The following PDE8B variants were observed in gnomAD, a reference collection of about 807,000 sequenced individuals.
PDE8B encodes phosphodiesterase 8B.
Under a neutral mutation model 101.3 loss-of-function variants are expected in PDE8B, and 26 were observed. That is an observed-to-expected ratio of 0.26 (90% confidence interval 0.19 to 0.36). PDE8B has a LOEUF of 0.36. Among genes scored for constraint, PDE8B ranks in the 10% least tolerant of loss-of-function variants. The probability of loss-of-function intolerance (pLI) is 1.00; values close to 1 mark genes in which losing one functional copy is unlikely to be tolerated. For missense variants in PDE8B, 810 were observed against 1,163.1 expected, an observed-to-expected ratio of 0.70 and a Z score of 4.42; for synonymous variants, 424 against 429.3, an observed-to-expected ratio of 0.99 and a Z score of 0.15.
At chr5:77,412,022 T>C (rs1794667191) in intron 15 of PDE8B, 78 bp from the exon 16 acceptor site, 1 of 1,445,246 alleles carries the variant, frequency 6.9e-7, no homozygotes, top group Non-Finnish European at 9.7e-7. Context: ...TAGTAGTAAC[T>C]ATGAAGATGA....
At chr5:77,248,774 G>A (rs1251058644) in intron 1 of PDE8B, among the ~76,000 whole-genome samples, 1 of 152,172 alleles carries the variant, frequency 6.6e-6, no homozygotes, top group Non-Finnish European at 1.5e-5. Context: ...CCATGTGACT[G>A]TATTTTGGAG....
the PDE8B span, among the ~76,000 whole-genome samples, chr5:77,175,871 G>A: frequency 2.0e-5 from 3 of 152,052 alleles, no homozygotes; most frequent in Admixed American, 6.5e-5. Context: ...ATATAGATAC[G>A]CACATACATA....
chr5:77,233,735 C>T (rs1224425993), intron 1 of PDE8B, among the ~76,000 whole-genome samples: 1 of 146,324 alleles, frequency 6.8e-6, no homozygotes, highest in African/African-American at 2.5e-5. Context: ...TAAATATGCT[C>T]TTCAGTTTTA....
At chr5:77,299,578 C>T (rs1769439149) in intron 1 of PDE8B, among the ~76,000 whole-genome samples, 1 of 151,856 alleles carries the variant, frequency 6.6e-6, no homozygotes, top group African/African-American at 2.4e-5. Context: ...CAGTTTCATC[C>T]ATGTCCCTAC....
the PDE8B span, among the ~76,000 whole-genome samples, chr5:77,127,514 C>A: frequency 6.6e-6 from 1 of 152,034 alleles, no homozygotes; most frequent in Admixed American, 6.5e-5. Flanking sequence ...TTAGGTATTT[C>A]TTTATAGCAG....
chr5:77,181,518 C>T, the PDE8B span, among the ~76,000 whole-genome samples: 4 of 152,194 alleles, frequency 2.6e-5, no homozygotes, highest in Non-Finnish European at 2.9e-5. Context: ...TCCACAGGCT[C>T]CTCTATACCC....
At position 77,304,690 on chromosome 5, in the gene PDE8B, G is replaced by A. The variant is rs1237036147; in HGVS notation, c.340-7304G>A. 3.3e-5 allele frequency among the ~76,000 whole-genome samples: 5 copies of A among 152,276 alleles called. No homozygotes were observed. In the East Asian group the frequency reaches 7.7e-4, roughly 24 times the overall value. On this transcript the variant is annotated intron_variant, in intron 1 of 21. Transcript: ENST00000264917. ...ATAAAACATAAAAGTAATGAAATAT[G>A]TCACTGGCTGTGAGTATCTTGTAAC... is the stretch of plus-strand genomic sequence containing the variant.
the PDE8B span, among the ~76,000 whole-genome samples, chr5:77,100,615 G>A: frequency 1.7e-4 from 26 of 152,206 alleles, no homozygotes; most frequent in Non-Finnish European, 2.8e-4. Flanking sequence ...CCCTTGTACA[G>A]AGAGCCTTGT....
chr5:77,422,096 C>A, intron 20 of PDE8B, 108 bp downstream of exon 20: 1 of 1,182,136 alleles, frequency 8.5e-7, no homozygotes, highest in Non-Finnish European at 1.2e-6. Context: ...AATTAGTTAA[C>A]CACTCCTCCC....
chr5:77,368,707 C>G (rs1320346454), intron 10 of PDE8B, among the ~76,000 whole-genome samples: 1 of 152,066 alleles, frequency 6.6e-6, no homozygotes, highest in Non-Finnish European at 1.5e-5. Flanking sequence ...ATTAGATTAC[C>G]TGAAATTATT....
chr5:77,389,014 G>A (rs746800802), intron 10 of PDE8B, among the ~76,000 whole-genome samples: 3 of 152,198 alleles, frequency 2.0e-5, no homozygotes, highest in Non-Finnish European at 4.4e-5. Flanking sequence ...GGGCTCTGTG[G>A]AGGTGGGACC....
chr5:77,117,076 C>T, the PDE8B span, among the ~76,000 whole-genome samples: 2 of 152,216 alleles, frequency 1.3e-5, no homozygotes, highest in Non-Finnish European at 2.9e-5. Flanking sequence ...CTCTTTAGTT[C>T]TTCCACGATT....
At chr5:77,347,120 T>C (rs939393053) in intron 7 of PDE8B, among the ~76,000 whole-genome samples, 2 of 152,204 alleles carry the variant, frequency 1.3e-5, no homozygotes, top group Non-Finnish European at 2.9e-5. Flanking sequence ...CCCCCATCTA[T>C]CTAAACTCTA....
At chr5:77,249,723 A>T (rs1346059159) in intron 1 of PDE8B, among the ~76,000 whole-genome samples, 1 of 152,258 alleles carries the variant, frequency 6.6e-6, no homozygotes, top group Non-Finnish European at 1.5e-5. Context: ...CTGCCTTATC[A>T]GCTGTCAAGG....
chr5:77,137,006 C>G, the PDE8B span, among the ~76,000 whole-genome samples: 1 of 152,154 alleles, frequency 6.6e-6, no homozygotes, highest in Non-Finnish European at 1.5e-5. Context: ...TTTGAGAGTT[C>G]GTACAGGACA....
At chr5:77,131,754 G>T in the PDE8B span, among the ~76,000 whole-genome samples, 1 of 152,226 alleles carries the variant, frequency 6.6e-6, no homozygotes, top group East Asian at 1.9e-4. Flanking sequence ...GATGCATTAG[G>T]AGTTGAAGTG....
chr5:77,351,333 A>G (rs1283086645), intron 9 of PDE8B, among the ~76,000 whole-genome samples, 180 bp downstream of exon 9: 1 of 152,182 alleles, frequency 6.6e-6, no homozygotes, highest in Non-Finnish European at 1.5e-5. Flanking sequence ...ATGGTTTTCC[A>G]TGTCTTTTAT....
At chr5:77,394,243 G>A (rs1239176255) in intron 10 of PDE8B, among the ~76,000 whole-genome samples, 1 of 152,138 alleles carries the variant, frequency 6.6e-6, no homozygotes, top group African/African-American at 2.4e-5. Flanking sequence ...AAACCAAGCA[G>A]CTCTTAGTCA....
At chr5:77,182,071 A>T in the PDE8B span, among the ~76,000 whole-genome samples, 1 of 152,034 alleles carries the variant, frequency 6.6e-6, no homozygotes. Flanking sequence ...TTGGATTCCA[A>T]GCTCAGTGGT....
Sources: gnomAD v4.1 joint callset for allele counts (sites outside exome capture counted in the v4.1 genomes callset) on GRCh38, gnomAD v4.1.1 for gene constraint, MANE v1.5 for transcripts, NCBI Gene and HGNC (gene_info 2026-07-23, HGNC 2026-07-21) for gene names.